Variants in NCAPD3 observed in about 807,000 individuals in gnomAD.
The protein encoded by NCAPD3 is condensin-2 complex subunit D3.
In NCAPD3, 105 loss-of-function variants were observed where a neutral mutation model predicts 182.9. The ratio of observed to expected loss-of-function variants is 0.57; its 90% CI spans 0.49 to 0.68. NCAPD3 has a LOEUF of 0.68. Ranked by LOEUF, NCAPD3 falls within the 30% of genes least tolerant of loss-of-function variation. NCAPD3 has a pLI of 0.00. For missense variants in NCAPD3, 1,944 were observed against 1,837.0 expected (o/e 1.06, Z -1.07); for synonymous variants, 815 against 679.9 (o/e 1.20, Z -3.09).
intron 11 of NCAPD3, 82 bp from the exon 12 acceptor site, chr11:134,203,280 T>A: frequency 9.7e-7 from 1 of 1,031,570 alleles, no homozygotes; most frequent in Non-Finnish European, 1.5e-6. Context: ...AAAATCAAGA[T>A]AATTAGGCTC....
chr11:134,192,833 G>A lies in NCAPD3; in HGVS notation c.1901C>T (p.Thr634Ile). The change falls in exon 16 of 35, where the codon ACT (threonine) becomes ATT (isoleucine). Residue 634 changes from threonine (T) to isoleucine (I), a missense_variant. By Grantham distance (89) the Thr-to-Ile change is moderately conservative. This residue lies in a region of NCAPD3 where 1,803 missense variants were observed against 1,674.6 expected (regional missense o/e 1.08). Coordinates refer to ENST00000534548, the MANE Select transcript of NCAPD3 (RefSeq NM_015261.3). ...VVPVVMDCES[T>I]VQEKALEFLD... Reference sequence around the variant, plus strand: ...GAACTCCAGGGCCTTCTCCTGCACAGTGCTCTCGCAGTCCATCACCACCGG... The same window carrying A: ...GAACTCCAGGGCCTTCTCCTGCACAATGCTCTCGCAGTCCATCACCACCGG... 6.2e-7 allele frequency: 1 copy of A among 1,614,052 alleles called. No homozygotes were observed. The highest frequency in any genetic ancestry group is 1.7e-5 in the Admixed American group (1 of 60,024).
Position 134,153,131 on chromosome 11 carries a change from TA to T in NCAPD3, c.4388+8del. Reference sequence around the variant, plus strand: ...ACATCCACCTCAAAAGGAACACTGCTAAACTTACGGTTTATCAGGCAGTGAT... The same window carrying T: ...ACATCCACCTCAAAAGGAACACTGCTAACTTACGGTTTATCAGGCAGTGAT... On this transcript the variant is annotated splice_region_variant and intron_variant, in intron 34 of 34. Transcript: ENST00000534548. 3 of 1,613,992 alleles carry T rather than the reference TA, an allele frequency of 1.9e-6. No homozygotes were observed. The highest frequency in any genetic ancestry group is 1.7e-5 in the Admixed American group (1 of 60,026).
intron 16 of NCAPD3, 53 bp from the exon 17 acceptor site, chr11:134,185,579 G>T: frequency 7.0e-7 from 1 of 1,427,606 alleles, no homozygotes; most frequent in Non-Finnish European, 9.5e-7. Flanking sequence ...TATACAAAAT[G>T]ATTCAGATGG....
At chr11:134,163,879 A>AAAG (rs1324502975) in intron 27 of NCAPD3, among the ~76,000 whole-genome samples, 2 of 150,058 alleles carry the variant, frequency 1.3e-5, no homozygotes, top group African/African-American at 4.9e-5. Context: ...CTCAAAAAAA[A>AAAG]AAAAAAAAAA....
chr11:134,153,131 T>A lies in NCAPD3; in HGVS notation c.4388+9A>T. On this transcript the variant is annotated intron_variant, in intron 34 of 34. Transcript: ENST00000534548. ...ACATCCACCTCAAAAGGAACACTGC[T>A]AAACTTACGGTTTATCAGGCAGTGA... The A allele has an allele frequency of 1.2e-6, 2 of 1,613,992 alleles. No individual in the cohort carries two copies. The highest frequency in any genetic ancestry group is 2.2e-5 in the South Asian group (2 of 91,074).
intron 13 of NCAPD3, among the ~76,000 whole-genome samples, chr11:134,202,454 T>C (rs1305585346): frequency 6.6e-6 from 1 of 152,222 alleles, no homozygotes. Flanking sequence ...CAGAGCTCAC[T>C]GTAGCCTGGA....
rs375137225 is a variant in NCAPD3, at chr11:134,194,714, C to T, written c.1640G>A (p.Arg547Lys). 3.1e-6 allele frequency: 5 copies of T among 1,609,978 alleles called. No individual in the cohort carries two copies. In the African/African-American group the frequency reaches 6.7e-5, roughly 22 times the overall value. The change falls in exon 14 of 35, where the codon AGA becomes AAA. Residue 547 changes from arginine (R) to lysine (K), a missense_variant. Arg to Lys is a conservative substitution (Grantham distance 26). Transcript: ENST00000534548. ...GGTCTTCTCATCCCTGATCCTCCTT[C>T]TCAGCATTGCCATGACACATCTTTC... ...SGERCVMAML[R>K]RRIRDEKTNV... is the part of the protein sequence containing the mutation.
chr11:134,225,024 G>C, upstream of NCAPD3: 1 of 1,166,240 alleles, frequency 8.6e-7, no homozygotes. Flanking sequence ...GGCCGAGCGC[G>C]CTCGCGCATC....
intron 27 of NCAPD3, among the ~76,000 whole-genome samples, chr11:134,162,515 G>A (rs1943613952): frequency 1.3e-5 from 2 of 152,000 alleles, no homozygotes; most frequent in African/African-American, 4.8e-5. Flanking sequence ...CACTATAGTA[G>A]CCCACATATG....
At chr11:134,173,507 G>C (rs1944071789) in intron 24 of NCAPD3, 1 of 153,736 alleles carries the variant, frequency 6.5e-6, no homozygotes, top group African/African-American at 2.4e-5. Context: ...AGCTGCTGGA[G>C]GATAGCAGCA....
intron 27 of NCAPD3, among the ~76,000 whole-genome samples, chr11:134,167,699 CACTA>C (rs1475226327): frequency 1.6e-5 from 2 of 123,676 alleles, no homozygotes; most frequent in African/African-American, 6.2e-5. Flanking sequence ...GGGGCACACT[CACTA>C]GTGAGGTGAG....
At chr11:134,224,509 A>T (rs1938377697), upstream of NCAPD3, 1 of 152,646 alleles carries the variant, frequency 6.6e-6, no homozygotes, top group African/African-American at 2.4e-5. Context: ...GCGAGGTAGC[A>T]GCTGCCATGC....
intron 13 of NCAPD3, among the ~76,000 whole-genome samples, chr11:134,202,507 A>AGCT (rs1707143017): frequency 6.6e-6 from 1 of 152,050 alleles, no homozygotes; most frequent in African/African-American, 2.4e-5. Context: ...CCTCCTGAGT[A>AGCT]GCTGGGACCA....
chr11:134,159,882 C>G lies in NCAPD3; in HGVS notation c.3867+10G>C. The G allele has an allele frequency of 6.2e-7, 1 of 1,609,878 alleles. No individual in the cohort carries two copies. The highest frequency in any genetic ancestry group is 1.1e-5 in the South Asian group (1 of 90,598). On this transcript the variant is annotated intron_variant, in intron 29 of 34. Transcript: ENST00000534548. ...CTGTCTGGTCACAGTGCAGTGGGCC[C>G]CACACCTACCTGTGCCACAGGTGCC...
At chr11:134,176,493 T>A in intron 23 of NCAPD3, 107 bp from the exon 24 acceptor site, 2 of 865,624 alleles carry the variant, frequency 2.3e-6, no homozygotes, top group Non-Finnish European at 1.9e-6. Context: ...GCACACTGGC[T>A]GAGTGCACAG....
At chr11:134,154,418 G>A (rs1056764428) in intron 32 of NCAPD3, among the ~76,000 whole-genome samples, 3 of 151,146 alleles carry the variant, frequency 2.0e-5, no homozygotes, top group East Asian at 2.0e-4. Flanking sequence ...GCACAAACAC[G>A]TCCACCCTCC....
chr11:134,213,256 T>C (rs1937904000), intron 3 of NCAPD3, among the ~76,000 whole-genome samples: 2 of 151,808 alleles, frequency 1.3e-5, no homozygotes, highest in Non-Finnish European at 2.9e-5. Flanking sequence ...AGCCCAGGAG[T>C]TCAAGGTTAA....
intron 19 of NCAPD3, among the ~76,000 whole-genome samples, chr11:134,183,548 A>G (rs1372596871): frequency 6.6e-6 from 1 of 152,212 alleles, no homozygotes; most frequent in Non-Finnish European, 1.5e-5. Flanking sequence ...AGCCTGGGTG[A>G]CAGAGTGAGA....
intron 27 of NCAPD3, among the ~76,000 whole-genome samples, chr11:134,167,030 G>C (rs958002838): frequency 9.1e-6 from 1 of 109,380 alleles, no homozygotes; most frequent in Non-Finnish European, 1.8e-5. Flanking sequence ...AGTGAGATGA[G>C]CTTGGGGGAG....
Sources: gnomAD v4.1 joint callset for allele counts (sites outside exome capture counted in the v4.1 genomes callset) on GRCh38, gnomAD v4.1.1 for gene constraint, gnomAD v4.1.1 regional missense constraint, MANE v1.5 for transcripts, NCBI Gene and HGNC (gene_info 2026-07-23, HGNC 2026-07-21) for gene names.